KRT72: variants seen among roughly 807,000 people sequenced by gnomAD.
KRT72 encodes the protein keratin, type II cytoskeletal 72.
A neutral mutation model predicts 44.7 loss-of-function variants in KRT72; 44 were observed. That is an observed-to-expected ratio of 0.98 (90% CI 0.77 to 1.27). The LOEUF is 1.27. KRT72 is among the 50% of genes most tolerant of loss of function. The pLI is 0.00. For missense variants in KRT72, 736 were observed against 667.1 expected, an observed-to-expected ratio of 1.10 and a Z score of -1.14; for synonymous variants, 302 against 280.4, an observed-to-expected ratio of 1.08 and a Z score of -0.77.
In KRT72 at chr12:52,585,728, T is replaced by C. The variant is rs1388336880; in HGVS notation, c.*254A>G. 2 of 443,132 alleles carry C rather than the reference T, an allele frequency of 4.5e-6. No homozygotes were observed. The highest frequency in any genetic ancestry group is 4.0e-6 in the Non-Finnish European group (1 of 247,070). The allele number at this position is 443,132 out of a possible 1,614,324, so 27.5% of individuals were successfully genotyped here. On this transcript the variant is annotated 3_prime_UTR_variant, in exon 9 of 9. Coordinates refer to ENST00000293745, the MANE Select transcript of KRT72 (RefSeq NM_080747.3). ...TGTAGCTGGCCTTGGGGAAACATCC[T>C]GGGTAAGTGTTGTCTTTGCATTTCA...
At chr12:52,586,219 A>G (rs1324801185) in intron 8 of KRT72, 47 bp from the exon 9 acceptor site, 2 of 1,537,432 alleles carry the variant, frequency 1.3e-6, no homozygotes, top group Non-Finnish European at 1.8e-6. Flanking sequence ...CTCTAGCCCC[A>G]CGTCAGAGCC....
rs1313375906 is a variant in KRT72, at chr12:52,601,239, C to T, written c.214G>A (p.Gly72Ser). 6.3e-7 allele frequency: 1 copy of T among 1,582,818 alleles called. No homozygotes were observed. Among genetic ancestry groups the T allele is most frequent in the Admixed American group, 1.8e-5 (1 of 55,158 alleles). ...CCGAAGGCGGTGCCCACGAAGCCGC[C>T]CAGGCGGCCGCCGCCCCGCCGTGCA... ...AAARRGGGRL[G>S]GFVGTAFGSA... Residue 72 changes from glycine (G) to serine (S), a missense_variant, in exon 1 of 9, where the codon GGC (glycine) becomes AGC (serine). By Grantham distance (56) the Gly-to-Ser change is moderately conservative. Transcript: ENST00000293745.
At chr12:52,598,067 G>A (rs1940279581) in intron 2 of KRT72, among the ~76,000 whole-genome samples, 1 of 152,166 alleles carries the variant, frequency 6.6e-6, no homozygotes, top group African/African-American at 2.4e-5. Context: ...ACCTATCTCA[G>A]TTCACACCAT....
chr12:52,592,319 C>A (rs946412536), intron 4 of KRT72, 77 bp downstream of exon 4: 1 of 1,038,110 alleles, frequency 9.6e-7, no homozygotes, highest in Non-Finnish European at 1.5e-6. Context: ...TCTTGGTCCA[C>A]ACCACCTTCC....
intron 2 of KRT72, among the ~76,000 whole-genome samples, chr12:52,596,683 T>C (rs924647303): frequency 1.3e-5 from 2 of 151,988 alleles, no homozygotes; most frequent in Admixed American, 6.6e-5. Flanking sequence ...TCTGAGTAGC[T>C]GGGAACACAG....
At chr12:52,599,224 A>G (rs1390822646) in intron 1 of KRT72, 112 bp from the exon 2 acceptor site, 10 of 965,022 alleles carry the variant, frequency 1.0e-5, no homozygotes, top group Middle Eastern at 2.2e-4. Context: ...GGGGTAGGAG[A>G]AAACAAGGCT....
rs771322521 is a variant in KRT72 at position 52,585,951 on chromosome 12, CCTT to C, written c.*28_*30del. 11 of 1,589,150 alleles carry C rather than the reference CCTT, an allele frequency of 6.9e-6. No homozygotes were observed. The highest frequency in any genetic ancestry group is 9.5e-6 in the Non-Finnish European group (11 of 1,163,966). On this transcript the variant is annotated 3_prime_UTR_variant, in exon 9 of 9. Transcript: ENST00000293745. ...GGGAGGAGACGGGTGAGTTGGGAAG[CCTT>C]CTGCTCACAGAGCCAACCACTTGTC...
At chr12:52,593,330 C>T (rs973003607) in intron 2 of KRT72, among the ~76,000 whole-genome samples, 15 of 152,150 alleles carry the variant, frequency 9.9e-5, no homozygotes, top group African/African-American at 2.9e-4. Context: ...GTGCAAAAAC[C>T]TCCTAGGCAC....
Position 52,587,785 on chromosome 12 carries a change from G to A in KRT72, c.1156C>T (p.Arg386Trp), listed in dbSNP as rs775355202. 117 of 1,614,058 alleles carry A rather than the reference G, an allele frequency of 7.2e-5. No homozygotes were observed. Among genetic ancestry groups the A allele is most frequent in the Non-Finnish European group, 8.3e-5 (98 of 1,180,034 alleles). ...CCCTCCAGCTCATCCAGCTTGGCCCGGGCATCTTTCAGGGCGCAGTCCCCC... is the reference window on the plus strand; with the variant it reads ...CCCTCCAGCTCATCCAGCTTGGCCCAGGCATCTTTCAGGGCGCAGTCCCCC... ...QRGDCALKDA[R>W]AKLDELEGAL... Residue 386 changes from arginine to tryptophan, a missense_variant, in exon 7 of 9, where the codon CGG (arginine) becomes TGG (tryptophan). By Grantham distance (101) the Arg-to-Trp change is moderately radical (BLOSUM62 -3). Transcript: ENST00000293745.
In KRT72 at chr12:52,591,375, A is replaced by C. The variant is rs57091900; in HGVS notation, c.963+89T>G. ...GAGCCCAAATACACACACACACACA[A>C]ACACACGCACACACACGTACACATG... is the stretch of plus-strand genomic sequence containing the variant. On this transcript the variant is annotated intron_variant, in intron 5 of 8. Transcript: ENST00000293745. 260 of 1,058,508 alleles carry C rather than the reference A, an allele frequency of 2.5e-4. No homozygotes were observed. Among genetic ancestry groups the C allele is most frequent in the Middle Eastern group, 3.2e-4 (1 of 3,166 alleles). The allele number at this position is 1,058,508 out of a possible 1,614,324, so 65.6% of individuals were successfully genotyped here. A position where few individuals can be genotyped will look rare whatever the true frequency, so the allele number is the denominator to read the frequency against.
At chr12:52,589,301 T>A (rs1014169230) in intron 6 of KRT72, among the ~76,000 whole-genome samples, 1 of 152,166 alleles carries the variant, frequency 6.6e-6, no homozygotes, top group African/African-American at 2.4e-5. Flanking sequence ...CCCACAGCAG[T>A]GCCAATGCCC....
At position 52,586,991 on chromosome 12, in the gene KRT72, A is replaced by C. The variant is rs1197234484; in HGVS notation, c.1311-11T>G. The C allele has an allele frequency of 6.2e-7, 1 of 1,613,578 alleles. No individual in the cohort carries two copies. The highest frequency in any genetic ancestry group is 8.5e-7 in the Non-Finnish European group (1 of 1,179,496). On this transcript the variant is annotated splice_polypyrimidine_tract_variant and intron_variant, in intron 7 of 8. Coordinates refer to ENST00000293745, the MANE Select transcript of KRT72 (RefSeq NM_080747.3). The stretch of plus-strand genomic sequence containing the variant: ...TATTCGCCAGACATCCTGAAGAAGG[A>C]GAAGAAAAACAGGTAAATCCCCCAT...
chr12:52,597,453 T>C (rs1359404132), intron 2 of KRT72, among the ~76,000 whole-genome samples: 1 of 152,188 alleles, frequency 6.6e-6, no homozygotes, highest in Non-Finnish European at 1.5e-5. Context: ...AGATGGGTGA[T>C]AAAATCAGTT....
In KRT72 at chr12:52,590,856, T is replaced by G. The variant is rs762527981; in HGVS notation, c.1069A>C (p.Ile357Leu). 6.3e-7 allele frequency: 1 copy of G among 1,590,612 alleles called. No individual in the cohort carries two copies. Reference sequence around the variant, plus strand: ...CCCACCTGCTTCTTCACATTCCCTATCTCTGAGCGGATCCTCTGGATCAGG... The same window carrying G: ...CCCACCTGCTTCTTCACATTCCCTAGCTCTGAGCGGATCCTCTGGATCAGG... ...NRLIQRIRSEIGNVKKQCADL... is the reference protein window; with the variant it reads ...NRLIQRIRSELGNVKKQCADL... Residue 357 changes from isoleucine (I) to leucine (L), a missense_variant, in exon 6 of 9, where the codon ATA becomes CTA. Coordinates refer to ENST00000293745, the MANE Select transcript of KRT72 (RefSeq NM_080747.3).
chr12:52,601,272 T>A lies in KRT72; in HGVS notation c.181A>T (p.Ser61Cys). 6.4e-7 allele frequency: 1 copy of A among 1,555,996 alleles called. No individual in the cohort carries two copies. Among genetic ancestry groups the A allele is most frequent in the Non-Finnish European group, 8.7e-7 (1 of 1,150,944 alleles). Reference sequence around the variant, plus strand: ...CCGCCGCCCCGCCGTGCAGCAGCGCTGAGCGCCAGGCTTCGGCTGCCCCCA... The same window carrying A: ...CCGCCGCCCCGCCGTGCAGCAGCGCAGAGCGCCAGGCTTCGGCTGCCCCCA... ...CLGGSRSLAL[S>C]AAARRGGGRL... is the part of the protein sequence containing the mutation. Residue 61 changes from serine (S) to cysteine (C), a missense_variant, in exon 1 of 9, where the codon AGC becomes TGC. Physicochemically the swap from Ser to Cys is moderately radical, Grantham distance 112 (BLOSUM62 -1). Transcript: ENST00000293745.
intron 5 of KRT72, 23 bp downstream of exon 5, chr12:52,591,441 C>G: frequency 6.2e-7 from 1 of 1,609,446 alleles, no homozygotes; most frequent in Non-Finnish European, 8.5e-7. Context: ...CAGTGGGACT[C>G]AGCACACCTG....
chr12:52,590,032 C>T (rs1438476117), intron 6 of KRT72, among the ~76,000 whole-genome samples: 2 of 152,066 alleles, frequency 1.3e-5, no homozygotes, highest in Non-Finnish European at 2.9e-5. Flanking sequence ...TGTAAGCATG[C>T]ACCATGCGTG....
rs1939721608 is a variant in KRT72 at position 52,585,927 on chromosome 12, G to A, written c.*55C>T. 1 of 1,487,940 alleles carries A rather than the reference G, an allele frequency of 6.7e-7. No homozygotes were observed. The highest frequency in any genetic ancestry group is 1.8e-5 in the Admixed American group (1 of 55,936). 92.2% of individuals were successfully genotyped at this position (1,487,940 alleles called of 1,614,324 possible). A position where few individuals can be genotyped will look rare whatever the true frequency, so the allele number is the denominator to read the frequency against. ...GGAAAGGGAGCCCAGGGAAGGAGAGGGAGGAGACGGGTGAGTTGGGAAGCC... is the reference window on the plus strand; with the variant it reads ...GGAAAGGGAGCCCAGGGAAGGAGAGAGAGGAGACGGGTGAGTTGGGAAGCC... On this transcript the variant is annotated 3_prime_UTR_variant, in exon 9 of 9. Coordinates refer to ENST00000293745, the MANE Select transcript of KRT72 (RefSeq NM_080747.3).
In KRT72 at chr12:52,591,481, T is replaced by C. The variant is rs766830948; in HGVS notation, c.946A>G (p.Thr316Ala). 3.7e-6 allele frequency: 6 copies of C among 1,613,648 alleles called. No individual in the cohort carries two copies. In the African/African-American group the frequency reaches 6.7e-5, roughly 18 times the overall value. The change falls in exon 5 of 9, where the codon ACC becomes GCC. Residue 316 changes from threonine (T) to alanine (A), a missense_variant. By Grantham distance (58) the Thr-to-Ala change is moderately conservative. Transcript: ENST00000293745. ...IALKSKAEAE[T>A]LYQTKIQELQ... ...CAGCTCACCTTGGTCTGGTACAGGG[T>C]CTCAGCCTCGGCCTTGCTCTTTAGG...
Sources: allele counts gnomAD v4.1 joint callset (sites outside exome capture counted in the v4.1 genomes callset), GRCh38; gene constraint gnomAD v4.1.1; transcripts MANE v1.5; gene names NCBI Gene and HGNC (gene_info 2026-07-23, HGNC 2026-07-21).